The following TBC1D30 variants were observed in gnomAD, a reference collection of about 807,000 sequenced individuals.
TBC1D30 encodes the protein TBC1 domain family member 30.
TBC1D30 carries 31 observed loss-of-function variants against 63.2 expected under a neutral mutation model. The ratio of observed to expected loss-of-function variants is 0.49; its 90% confidence interval spans 0.37 to 0.66. The LOEUF (loss-of-function observed/expected upper bound fraction) is 0.66. Among genes scored for constraint, TBC1D30 ranks in the 30% least tolerant of loss-of-function variants. The pLI is 0.00. For missense variants in TBC1D30, 810 were observed against 953.6 expected (o/e 0.85, Z 1.98); for synonymous variants, 307 against 361.5 (o/e 0.85, Z 1.71).
chr12:64,850,982 T>C (rs1876821302), intron 8 of TBC1D30, among the ~76,000 whole-genome samples: 1 of 152,212 alleles, frequency 6.6e-6, no homozygotes, highest in South Asian at 2.1e-4. Context: ...TTTGACTTCT[T>C]CCTGGTTTAG....
At chr12:64,767,695 C>A (rs779270676) in intron 1 of TBC1D30, among the ~76,000 whole-genome samples, 5 of 147,922 alleles carry the variant, frequency 3.4e-5, no homozygotes, top group Non-Finnish European at 7.4e-5. Flanking sequence ...AACATCTTAC[C>A]CATCCAATAC....
chr12:64,802,959 G>A (rs1404240393), intron 2 of TBC1D30, among the ~76,000 whole-genome samples: 7 of 152,232 alleles, frequency 4.6e-5, no homozygotes, highest in South Asian at 2.1e-4. Flanking sequence ...ATAAACATAC[G>A]TGTGCATGTG....
chr12:64,859,949 G>T (rs73325501), intron 8 of TBC1D30, among the ~76,000 whole-genome samples: 2 of 151,592 alleles, frequency 1.3e-5, no homozygotes, highest in African/African-American at 4.9e-5. Flanking sequence ...CACTCCCAGA[G>T]CCTCTGTTAT....
chr12:64,834,995 G>A (rs1452571669), intron 5 of TBC1D30, among the ~76,000 whole-genome samples: 1 of 151,724 alleles, frequency 6.6e-6, no homozygotes, highest in African/African-American at 2.4e-5. Flanking sequence ...CATCCTTTAC[G>A]TCTGCATTCA....
chr12:64,827,645 T>A (rs1874477405), intron 1 of TBC1D30, among the ~76,000 whole-genome samples, 190 bp from the exon 2 acceptor site: 1 of 152,210 alleles, frequency 6.6e-6, no homozygotes, highest in East Asian at 1.9e-4. Flanking sequence ...CACTTTCTAT[T>A]GCTGTAGGGT....
intron 8 of TBC1D30, among the ~76,000 whole-genome samples, chr12:64,862,227 A>AC (rs1238995672): frequency 5.3e-5 from 8 of 152,182 alleles, no homozygotes; most frequent in Non-Finnish European, 1.2e-4. Flanking sequence ...GATTTCCGAC[A>AC]CCCTGAGTGC....
At chr12:64,819,988 T>G (rs1257961692), upstream of TBC1D30, among the ~76,000 whole-genome samples, 2 of 152,124 alleles carry the variant, frequency 1.3e-5, no homozygotes, top group Admixed American at 1.3e-4. Context: ...TATCAGCACC[T>G]GCCAGGGAAC....
chr12:64,844,705 A>G (rs1374323786), intron 8 of TBC1D30, among the ~76,000 whole-genome samples: 2 of 152,116 alleles, frequency 1.3e-5, no homozygotes, highest in Non-Finnish European at 2.9e-5. Flanking sequence ...CCATCCTTCT[A>G]CTGTCTATCT....
upstream of TBC1D30, among the ~76,000 whole-genome samples, chr12:64,778,362 C>T (rs575294074): frequency 9.9e-5 from 15 of 151,952 alleles, no homozygotes; most frequent in African/African-American, 3.1e-4. Context: ...AAAATTCCTG[C>T]GCTCGGAAGC....
At position 64,876,673 on chromosome 12, in the gene TBC1D30, C is replaced by T. The variant is rs1301488359; in HGVS notation, c.*885C>T. The T allele has an allele frequency of 7.3e-6, 3 of 412,318 alleles. No individual in the cohort carries two copies. Among genetic ancestry groups the T allele is most frequent in the African/African-American group, 4.1e-5 (2 of 49,304 alleles). 25.5% of individuals were successfully genotyped at this position (412,318 alleles called of 1,614,324 possible). A position where few individuals can be genotyped will look rare whatever the true frequency, so the allele number is the denominator to read the frequency against. On this transcript the variant is annotated 3_prime_UTR_variant, in exon 12 of 12. Coordinates refer to ENST00000539867, the MANE Select transcript of TBC1D30 (RefSeq NM_015279.2). ...AGCTCTAGACTGCAGACGCACAAGG[C>T]CTCTGCTCAGAAGCCAGAACACAGC...
At chr12:64,771,786 C>T (rs1308603790) in intron 1 of TBC1D30, among the ~76,000 whole-genome samples, 8 of 152,174 alleles carry the variant, frequency 5.3e-5, no homozygotes, top group Non-Finnish European at 1.2e-4. Flanking sequence ...TTGGGTGGTA[C>T]ACCTGACCAT....
chr12:64,791,094 A>G (rs1357935710), intron 2 of TBC1D30, among the ~76,000 whole-genome samples: 1 of 152,248 alleles, frequency 6.6e-6, no homozygotes, highest in African/African-American at 2.4e-5. Context: ...ATAATTGAAT[A>G]TTATTCAGCC....
chr12:64,844,104 T>TG (rs1440236161), intron 8 of TBC1D30, among the ~76,000 whole-genome samples: 3 of 152,176 alleles, frequency 2.0e-5, no homozygotes, highest in Non-Finnish European at 4.4e-5. Flanking sequence ...TACTTAGACT[T>TG]GTGGGGGGAA....
intron 1 of TBC1D30, among the ~76,000 whole-genome samples, chr12:64,765,961 A>G (rs1327823465): frequency 6.6e-6 from 1 of 152,128 alleles, no homozygotes; most frequent in Admixed American, 6.5e-5. Flanking sequence ...GCAGTGAGCC[A>G]TGATTGTGCC....
intron 1 of TBC1D30, among the ~76,000 whole-genome samples, chr12:64,761,217 T>G (rs1870499092): frequency 6.6e-6 from 1 of 152,246 alleles, no homozygotes; most frequent in African/African-American, 2.4e-5. Flanking sequence ...AAATAACCTA[T>G]TTCATCTGTA....
intron 1 of TBC1D30, chr12:64,825,375 G>T: frequency 3.6e-6 from 1 of 275,546 alleles, no homozygotes; most frequent in Non-Finnish European, 6.8e-6. Context: ...ACCACCTATT[G>T]TGTTCCAGGC....
intron 7 of TBC1D30, among the ~76,000 whole-genome samples, chr12:64,840,052 C>T (rs1162794665): frequency 6.8e-6 from 1 of 147,016 alleles, no homozygotes. Context: ...AATTCAGGGA[C>T]TTAAAAAAAT....
intron 1 of TBC1D30, among the ~76,000 whole-genome samples, chr12:64,770,708 C>CT (rs756602085): frequency 1.4e-3 from 202 of 143,992 alleles, no homozygotes; most frequent in South Asian, 2.0e-3. Flanking sequence ...CCTTTTTCTT[C>CT]TTTTTTTTTT....
intron 2 of TBC1D30, among the ~76,000 whole-genome samples, chr12:64,798,313 C>T (rs1258819080): frequency 6.6e-6 from 1 of 152,176 alleles, no homozygotes; most frequent in Non-Finnish European, 1.5e-5. Flanking sequence ...TTTTTGACAA[C>T]TGCCATTTTT....
Sources: gnomAD v4.1 joint callset for allele counts (sites outside exome capture counted in the v4.1 genomes callset) on GRCh38, gnomAD v4.1.1 for gene constraint, MANE v1.5 for transcripts, NCBI Gene and HGNC (gene_info 2026-07-23, HGNC 2026-07-21) for gene names.